The following SPTB variants were observed in gnomAD, a reference collection of about 807,000 sequenced individuals.
SPTB encodes the protein spectrin beta, erythrocytic, also known as spectrin beta chain, erythrocytic.
SPTB carries 45 observed loss-of-function variants against 256.2 expected under a neutral mutation model. That is an observed-to-expected ratio of 0.18 (90% CI 0.14 to 0.23). The LOEUF is 0.23. Ranked by LOEUF, SPTB falls within the 10% of genes least tolerant of loss-of-function variation. The probability of loss-of-function intolerance (pLI) is 1.00; values close to 1 mark genes in which losing one functional copy is unlikely to be tolerated. For synonymous variants in SPTB, 1,231 were observed against 1,243.1 expected (o/e 0.99, Z 0.21); for missense variants, 2,715 against 3,040.4 (o/e 0.89, Z 2.52).
rs773081060 is a variant in SPTB at position 64,786,567 on chromosome 14, T to C, written c.3398A>G (p.Asp1133Gly). 1 of 1,614,156 alleles carries C rather than the reference T, an allele frequency of 6.2e-7. No individual in the cohort carries two copies. Among genetic ancestry groups the C allele is most frequent in the Non-Finnish European group, 8.5e-7 (1 of 1,180,036 alleles). ...CTGGCCCAGAAGCAGATACTCTGGG[T>C]CCGTCTGGCCTTGGATCACTTTCTC... The part of the protein sequence containing the change: ...SGEKVIQGQT[D>G]PEYLLLGQRL... The change falls in exon 16 of 36, where the codon GAC (aspartate) becomes GGC (glycine). Residue 1133 changes from aspartate to glycine, a missense_variant. Asp to Gly is a moderately conservative substitution (Grantham distance 94). Coordinates refer to ENST00000644917, the MANE Select transcript of SPTB (RefSeq NM_001355436.2). This position sits in a 1 kb window ranked among gnomAD's most constrained non-coding sequence, Gnocchi z 5.6.
intron 1 of SPTB, among the ~76,000 whole-genome samples, chr14:64,862,783 G>A (rs543008542): frequency 3.9e-5 from 6 of 152,052 alleles, no homozygotes; most frequent in African/African-American, 1.4e-4. Flanking sequence ...GCTGAGGCAG[G>A]AGAATCACCT....
In SPTB at chr14:64,779,267, G is replaced by A. The variant is rs761499995; in HGVS notation, c.4474-21C>T. ...CAAAGCTGCAGAGACCAGGAGGCAG[G>A]AGAGAGCTGATGACAATCACGGCCA... On this transcript the variant is annotated intron_variant, in intron 21 of 35. Transcript: ENST00000644917. This position sits in a 1 kb window ranked among gnomAD's most constrained non-coding sequence, Gnocchi z 4.2. The A allele has an allele frequency of 2.5e-6, 4 of 1,603,226 alleles. No individual in the cohort carries two copies. The Admixed American group carries it at 5.0e-5, about 20-fold the overall frequency.
rs1478999974 is a variant in SPTB, at chr14:64,851,821, T to C, written c.-52+27971A>G. Among the ~76,000 whole-genome samples the C allele has an allele frequency of 2.7e-5, 4 of 148,890 alleles. No individual in the cohort carries two copies. The East Asian group carries it at 8.0e-4, about 30-fold the overall frequency. ...AAGTGGGAGCTGAACAATGAGAATATATGGACACAAGGAAGGGAACAACAC... is the reference window on the plus strand; with the variant it reads ...AAGTGGGAGCTGAACAATGAGAATACATGGACACAAGGAAGGGAACAACAC... On this transcript the variant is annotated intron_variant, in intron 1 of 35. Coordinates refer to ENST00000644917, the MANE Select transcript of SPTB (RefSeq NM_001355436.2).
chr14:64,785,804 C>G lies in SPTB; in HGVS notation c.3709G>C (p.Glu1237Gln). 1 of 1,614,146 alleles carries G rather than the reference C, an allele frequency of 6.2e-7. No individual in the cohort carries two copies. The highest frequency in any genetic ancestry group is 8.5e-7 in the Non-Finnish European group (1 of 1,180,020). ...PVDSGNKLVA[E>Q]GNLYSDKIKE... ...ATCTTGTCTGAGTATAGGTTTCCCT[C>G]AGCTACCAGCTTGTTTCCAGAGTCC... The change falls in exon 17 of 36, where the codon GAG becomes CAG. Residue 1237 changes from glutamate to glutamine, a missense_variant. Glu to Gln is a conservative substitution (Grantham distance 29, BLOSUM62 2). Around this residue, in one of 4 missense-constraint regions of SPTB, gnomAD observed 2,239 missense variants for 2,384.4 expected, o/e 0.94. Coordinates refer to ENST00000644917, the MANE Select transcript of SPTB (RefSeq NM_001355436.2). The surrounding 1 kb of genome is among the most constrained non-coding windows in gnomAD (Gnocchi z 4.4).
intron 1 of SPTB, among the ~76,000 whole-genome samples, chr14:64,865,542 A>G (rs1313984728): frequency 1.3e-5 from 2 of 152,122 alleles, no homozygotes; most frequent in South Asian, 2.1e-4. Context: ...TTTCTGGGTC[A>G]GATGCGGTGA....
rs759146660 is a variant in SPTB at position 64,852,100 on chromosome 14, A to T, written c.-52+27692T>A. On this transcript the variant is annotated intron_variant, in intron 1 of 35. Transcript: ENST00000644917. This position sits in a 1 kb window ranked among gnomAD's most constrained non-coding sequence, Gnocchi z 4.2. ...AGTTGTAAAAACAGGCTAGGTGACA[A>T]CGAGGAAAGGGAAGTACCTGGGGTT... Among the ~76,000 whole-genome samples the T allele has an allele frequency of 8.5e-5, 13 of 152,204 alleles. No homozygotes were observed. The highest frequency in any genetic ancestry group is 3.1e-4 in the African/African-American group (13 of 41,450).
At chr14:64,809,801 G>A (rs1343526865) in intron 2 of SPTB, among the ~76,000 whole-genome samples, 3 of 152,106 alleles carry the variant, frequency 2.0e-5, no homozygotes, top group Non-Finnish European at 4.4e-5. Flanking sequence ...ACATCTCAAA[G>A]GAAGTATGCA....
At chr14:64,834,374 G>A (rs547759788) in intron 1 of SPTB, among the ~76,000 whole-genome samples, 2 of 151,430 alleles carry the variant, frequency 1.3e-5, no homozygotes, top group African/African-American at 2.4e-5. Context: ...AGACTGTGTG[G>A]CAAAAGGGAT....
chr14:64,826,331 G>A lies in SPTB; in HGVS notation c.-51-3186C>T, dbSNP rs142590992. On this transcript the variant is annotated intron_variant, in intron 1 of 35. Transcript: ENST00000644917. The surrounding 1 kb of genome is among the most constrained non-coding windows in gnomAD (Gnocchi z 4.4). ...ATGTCTCTTTCCATACTGTTACAAC[G>A]GCCCTTCAAAGGCCTGGCTATAAAG... Among the ~76,000 whole-genome samples, 2,425 of 152,254 alleles carry A rather than the reference G, an allele frequency of 0.016. 22 individuals carry two copies. The highest frequency in any genetic ancestry group is 0.023 in the Admixed American group (349 of 15,288).
rs200228159 is a variant in SPTB, at chr14:64,749,447, G to A, written c.6846C>T (p.Gly2282=). 215 of 1,602,284 alleles carry A rather than the reference G, an allele frequency of 1.3e-4. No individual in the cohort carries two copies. In the East Asian group the frequency reaches 4.4e-3, roughly 32 times the overall value. Residue 2282 remains glycine (G), a synonymous_variant, in exon 36 of 36, where the codon GGC becomes GGT. Transcript: ENST00000644917. The surrounding 1 kb of genome is among the most constrained non-coding windows in gnomAD (Gnocchi z 4.7). ...DEEEMLSWLQ[G]VSTAINESQS... The stretch of plus-strand genomic sequence containing the variant: ...GGGACTCGTTGATGGCGGTGCTCAC[G>A]CCCTGCAGCCAGGACAGCATCTCCT...
intron 1 of SPTB, among the ~76,000 whole-genome samples, chr14:64,869,784 T>C (rs948299538): frequency 1.3e-5 from 1 of 79,626 alleles, no homozygotes; most frequent in African/African-American, 3.8e-5. Context: ...CACGATGCCC[T>C]GCTTTTTTTT....
In SPTB at chr14:64,767,979, A is replaced by C. The variant is rs950146296; in HGVS notation, c.6023-120T>G. On this transcript the variant is annotated intron_variant, in intron 29 of 35. Coordinates refer to ENST00000644917, the MANE Select transcript of SPTB (RefSeq NM_001355436.2). ...TGGCCTGAATAGGTGTCCCTAAACC[A>C]CATGGATACGCTTGCTGCCTGCAGC... 7 of 1,096,100 alleles carry C rather than the reference A, an allele frequency of 6.4e-6. No homozygotes were observed. In the African/African-American group the frequency reaches 1.1e-4, roughly 17 times the overall value. The allele number at this position is 1,096,100 out of a possible 1,614,324, so 67.9% of individuals were successfully genotyped here.
Position 64,793,577 on chromosome 14 carries a change from T to A in SPTB, c.2086A>T (p.Ile696Phe). 4 of 1,614,042 alleles carry A rather than the reference T, an allele frequency of 2.5e-6. No individual in the cohort carries two copies. In the Middle Eastern group the frequency reaches 4.9e-4, roughly 200 times the overall value. ...ACCATGCCATGAGCCTCCTGGAAGA[T>A]CTGCTCCAGGTGAGCATCCAGCCCA... ...LRGLDAHLEQ[I>F]FQEAHGMVAR... is the part of the protein sequence containing the mutation. The change falls in exon 14 of 36, where the codon ATC becomes TTC. Residue 696 changes from isoleucine to phenylalanine, a missense_variant. Physicochemically the swap from Ile to Phe is conservative, Grantham distance 21. Transcript: ENST00000644917. The surrounding 1 kb of genome is among the most constrained non-coding windows in gnomAD (Gnocchi z 7.0).
In SPTB at chr14:64,814,001, C is replaced by A. The variant is rs77835146; in HGVS notation, c.149-8911G>T. Among the ~76,000 whole-genome samples, 248 of 152,334 alleles carry A rather than the reference C, an allele frequency of 1.6e-3. 3 individuals are homozygous for A. The East Asian group carries it at 0.024, about 15-fold the overall frequency. On this transcript the variant is annotated intron_variant, in intron 2 of 35. Coordinates refer to ENST00000644917, the MANE Select transcript of SPTB (RefSeq NM_001355436.2). ...GGGAAGGAATTTTCCTTTCAGCCAACTTTCATCACACTGGTTTTGTGAACA... is the reference window on the plus strand; with the variant it reads ...GGGAAGGAATTTTCCTTTCAGCCAAATTTCATCACACTGGTTTTGTGAACA...
chr14:64,794,694 G>C (rs1406358750), intron 12 of SPTB, 77 bp from the exon 13 acceptor site: 2 of 1,584,788 alleles, frequency 1.3e-6, no homozygotes, highest in Non-Finnish European at 1.7e-6. Context: ...CCCCTGCAAA[G>C]GGCATGTCTC....
intron 2 of SPTB, 60 bp from the exon 3 acceptor site, chr14:64,805,150 G>A: frequency 6.2e-7 from 1 of 1,602,466 alleles, no homozygotes; most frequent in South Asian, 1.1e-5. Flanking sequence ...GTGTGACATG[G>A]GGCCAAGGGG....
chr14:64,813,037 T>C (rs963518918), intron 2 of SPTB, among the ~76,000 whole-genome samples: 2 of 152,240 alleles, frequency 1.3e-5, no homozygotes, highest in Non-Finnish European at 2.9e-5. Flanking sequence ...GATATTGTAA[T>C]GCATTTTGGG....
Position 64,848,000 on chromosome 14 carries a change from T to C in SPTB, c.-51-24855A>G, listed in dbSNP as rs985911738. On this transcript the variant is annotated intron_variant, in intron 1 of 35. Coordinates refer to ENST00000644917, the MANE Select transcript of SPTB (RefSeq NM_001355436.2). This position sits in a 1 kb window ranked among gnomAD's most constrained non-coding sequence, Gnocchi z 5.9. Reference sequence around the variant, plus strand: ...TCCTCATATTTATGCTGATCAATCATACAAAGCTGCTTTTCACTGTCTCCT... The same window carrying C: ...TCCTCATATTTATGCTGATCAATCACACAAAGCTGCTTTTCACTGTCTCCT... Among the ~76,000 whole-genome samples the C allele has an allele frequency of 2.0e-5, 3 of 152,208 alleles. No homozygotes were observed. Among genetic ancestry groups the C allele is most frequent in the African/African-American group, 4.8e-5 (2 of 41,452 alleles).
rs200499530 is a variant in SPTB, at chr14:64,779,696, G to C, written c.4473+29C>G. On this transcript the variant is annotated intron_variant, in intron 21 of 35. Coordinates refer to ENST00000644917, the MANE Select transcript of SPTB (RefSeq NM_001355436.2). This position sits in a 1 kb window ranked among gnomAD's most constrained non-coding sequence, Gnocchi z 4.2. ...ATGGCAGCTGGTGGCTCAGCCTCAG[G>C]AGGTAGGGAGAAGCTGTGGCCCACG... 92 of 1,613,760 alleles carry C rather than the reference G, an allele frequency of 5.7e-5. 1 individual carries two copies. In the African/African-American group the frequency reaches 1.1e-3, roughly 19 times the overall value.
Sources: gnomAD v4.1 joint callset for allele counts (sites outside exome capture counted in the v4.1 genomes callset) on GRCh38, gnomAD v4.1.1 for gene constraint, gnomAD v4.1.1 regional missense constraint, Gnocchi (gnomAD v3.1) non-coding constraint, MANE v1.5 for transcripts, NCBI Gene and HGNC (gene_info 2026-07-23, HGNC 2026-07-21) for gene names.